Variants in MEI4 observed in about 807,000 individuals in gnomAD.
MEI4 encodes the protein meiotic double-stranded break formation protein 4, also known as meiosis-specific protein MEI4.
In MEI4, 27 loss-of-function variants were observed where a neutral mutation model predicts 31.4. The observed-to-expected ratio is 0.86, with a 90% confidence interval of 0.63 to 1.19. The LOEUF is 1.19. Ranked by LOEUF, MEI4 falls within the 50% of genes most tolerant of loss-of-function variation. MEI4 has a pLI of 0.00. For missense variants in MEI4, 329 were observed against 398.9 expected, an observed-to-expected ratio of 0.82 and a Z score of 1.49; for synonymous variants, 122 against 145.4, an observed-to-expected ratio of 0.84 and a Z score of 1.16.
chr6:77,689,593 C>A (rs185297706), intron 1 of MEI4, among the ~76,000 whole-genome samples: 37 of 151,890 alleles, frequency 2.4e-4, no homozygotes, highest in Admixed American at 2.4e-3. Flanking sequence ...GCTTGGGCAG[C>A]TATATAAGAA....
intron 2 of MEI4, among the ~76,000 whole-genome samples, chr6:77,710,525 A>G (rs1766437594): frequency 7.0e-6 from 1 of 142,810 alleles, no homozygotes; most frequent in Non-Finnish European, 1.5e-5. Context: ...CATCTCAAAA[A>G]AAAAAAAAAA....
At chr6:77,795,176 T>C (rs9361287) in intron 3 of MEI4, among the ~76,000 whole-genome samples, 20,943 of 151,918 alleles carry the variant, frequency 0.14, 1,533 homozygotes, top group Middle Eastern at 0.21. Context: ...AAGAAGAAAC[T>C]AAGCCCAAAG....
At chr6:77,783,874 G>C (rs1768661802) in intron 3 of MEI4, among the ~76,000 whole-genome samples, 1 of 152,100 alleles carries the variant, frequency 6.6e-6, no homozygotes, top group Admixed American at 6.6e-5. Context: ...TATGTTTACT[G>C]TTGTTTAGTT....
chr6:77,713,183 G>A lies in MEI4; in HGVS notation c.232+22280G>A, dbSNP rs149812143. Among the ~76,000 whole-genome samples, 213 of 152,164 alleles carry A rather than the reference G, an allele frequency of 1.4e-3. 1 individual carries two copies. Among genetic ancestry groups the A allele is most frequent in the African/African-American group, 4.5e-3 (187 of 41,508 alleles). On this transcript the variant is annotated intron_variant, in intron 2 of 4. Transcript: ENST00000684080. ...TTACCTCCATGATACACACTCTCCTGTTCTGAAAAATGAGGATGACAATGG... is the reference window on the plus strand; with the variant it reads ...TTACCTCCATGATACACACTCTCCTATTCTGAAAAATGAGGATGACAATGG...
intron 2 of MEI4, among the ~76,000 whole-genome samples, chr6:77,734,744 T>A (rs961586409): frequency 6.6e-6 from 1 of 152,088 alleles, no homozygotes; most frequent in Non-Finnish European, 1.5e-5. Flanking sequence ...GGTCTTTACC[T>A]TTTGGCATGA....
intron 2 of MEI4, among the ~76,000 whole-genome samples, chr6:77,748,483 C>T (rs1165987990): frequency 1.3e-5 from 2 of 152,206 alleles, no homozygotes; most frequent in Admixed American, 6.5e-5. Context: ...GGATACAGGG[C>T]ACCAAGTCCC....
intron 4 of MEI4, among the ~76,000 whole-genome samples, chr6:77,872,283 G>A (rs1445006507): frequency 6.6e-6 from 1 of 151,914 alleles, no homozygotes; most frequent in Non-Finnish European, 1.5e-5. Context: ...CCTGAATCTT[G>A]GCCTTGCCTA....
rs114625736 is a variant in MEI4 at position 77,691,672 on chromosome 6, A to G, written c.232+769A>G. On this transcript the variant is annotated intron_variant, in intron 2 of 4. Coordinates refer to ENST00000684080, the MANE Select transcript of MEI4 (RefSeq NM_001322247.2). ...GGATTCAGAAGGGTCTTGAATGTCA[A>G]CCTAAGGAATATTTTACTGTATTGC... Among the ~76,000 whole-genome samples the G allele has an allele frequency of 1.4e-3, 220 of 152,142 alleles. 1 individual carries two copies. The highest frequency in any genetic ancestry group is 5.1e-3 in the African/African-American group (213 of 41,538).
At chr6:77,828,113 A>G (rs2127711005) in intron 3 of MEI4, among the ~76,000 whole-genome samples, 1 of 152,266 alleles carries the variant, frequency 6.6e-6, no homozygotes, top group East Asian at 1.9e-4. Flanking sequence ...GCCTATCACT[A>G]CAGTAAGCAT....
chr6:77,720,850 G>C (rs1766694271), intron 2 of MEI4, among the ~76,000 whole-genome samples: 1 of 50,132 alleles, frequency 2.0e-5, no homozygotes, highest in Non-Finnish European at 3.9e-5. Flanking sequence ...TTTTCTTACA[G>C]TTTGTTGTAA....
intron 2 of MEI4, among the ~76,000 whole-genome samples, chr6:77,700,859 G>A (rs1035936428): frequency 1.3e-5 from 2 of 152,110 alleles, no homozygotes; most frequent in African/African-American, 4.8e-5. Flanking sequence ...GACTATATAG[G>A]GGAGGGATAA....
intron 3 of MEI4, among the ~76,000 whole-genome samples, chr6:77,793,770 A>T (rs972087433): frequency 1.3e-5 from 2 of 152,174 alleles, no homozygotes; most frequent in African/African-American, 4.8e-5. Context: ...GACATCACAA[A>T]GAAAAAGCCT....
chr6:77,674,742 A>T (rs1329913027), intron 1 of MEI4, among the ~76,000 whole-genome samples: 3 of 151,820 alleles, frequency 2.0e-5, no homozygotes, highest in Non-Finnish European at 4.4e-5. Context: ...CTCCCAGATT[A>T]AAAAAAATAA....
At chr6:77,799,149 C>T (rs1458923485) in intron 3 of MEI4, among the ~76,000 whole-genome samples, 4 of 152,074 alleles carry the variant, frequency 2.6e-5, no homozygotes, top group Admixed American at 6.5e-5. Flanking sequence ...TCCTCTCCAG[C>T]ACCTGTTGTT....
In MEI4 at chr6:77,699,100, C is replaced by T. The variant is rs182518922; in HGVS notation, c.232+8197C>T. ...CTGCATTCTTCACGTAGTTCTTGAG[C>T]CTTGGCCTTCAGCTCCATTAGCTCC... On this transcript the variant is annotated intron_variant, in intron 2 of 4. Transcript: ENST00000684080. Among the ~76,000 whole-genome samples, 28 of 152,164 alleles carry T rather than the reference C, an allele frequency of 1.8e-4. 2 individuals are homozygous for T. In the East Asian group the frequency reaches 3.3e-3, roughly 18 times the overall value.
intron 3 of MEI4, among the ~76,000 whole-genome samples, chr6:77,785,438 G>A (rs1768711219): frequency 1.3e-5 from 2 of 152,188 alleles, no homozygotes; most frequent in East Asian, 3.9e-4. Flanking sequence ...CTTTGGAATG[G>A]AGAAAGTCAT....
intron 1 of MEI4, among the ~76,000 whole-genome samples, chr6:77,655,734 G>A (rs1175156779): frequency 6.6e-6 from 1 of 152,032 alleles, no homozygotes; most frequent in Non-Finnish European, 1.5e-5. Context: ...GTAATTTGTT[G>A]AACTTTTTAT....
intron 2 of MEI4, among the ~76,000 whole-genome samples, chr6:77,714,665 C>T (rs1418196838): frequency 2.0e-5 from 3 of 152,126 alleles, no homozygotes; most frequent in African/African-American, 7.2e-5. Flanking sequence ...CTCTATTGTG[C>T]ACCCAGAATT....
chr6:77,906,496 A>G (rs1766299885), intron 4 of MEI4, among the ~76,000 whole-genome samples: 1 of 152,202 alleles, frequency 6.6e-6, no homozygotes. Flanking sequence ...GTGGATATCT[A>G]CAGTTGTGAT....
Sources: gnomAD v4.1 joint callset for allele counts (sites outside exome capture counted in the v4.1 genomes callset) on GRCh38, gnomAD v4.1.1 for gene constraint, MANE v1.5 for transcripts, NCBI Gene and HGNC (gene_info 2026-07-23, HGNC 2026-07-21) for gene names.